TENM3: variants seen among roughly 807,000 people sequenced by gnomAD.
TENM3 encodes the protein teneurin-3.
In TENM3, 63 loss-of-function variants were observed where a neutral mutation model predicts 255.1. The observed-to-expected ratio is 0.25, with a 90% CI of 0.20 to 0.30. The LOEUF is 0.30. TENM3 is among the 10% of genes least tolerant of loss of function. The pLI is 1.00. For missense variants in TENM3, 2,929 were observed against 3,461.1 expected, an observed-to-expected ratio of 0.85 and a Z score of 3.86; for synonymous variants, 1,306 against 1,322.3, an observed-to-expected ratio of 0.99 and a Z score of 0.27.
chr4:181,793,201 G>A, the TENM3 span, among the ~76,000 whole-genome samples: 238 of 152,284 alleles, frequency 1.6e-3, 3 homozygotes, highest in African/African-American at 5.4e-3. Context: ...GCTGGCCGGC[G>A]ATCCAGCTGC....
At chr4:182,736,251 C>T (rs1471904229) in intron 16 of TENM3, among the ~76,000 whole-genome samples, 2 of 152,200 alleles carry the variant, frequency 1.3e-5, no homozygotes, top group Admixed American at 1.3e-4. Flanking sequence ...TAGGCTGTGA[C>T]CAGCCAGCTG....
At chr4:181,448,436 G>C in the TENM3 span, among the ~76,000 whole-genome samples, 2 of 151,978 alleles carry the variant, frequency 1.3e-5, no homozygotes, top group Non-Finnish European at 2.9e-5. Flanking sequence ...CTCCCAAAGT[G>C]CTGGGATTAC....
intron 1 of TENM3, among the ~76,000 whole-genome samples, chr4:182,248,068 T>A (rs1757768334): frequency 6.6e-6 from 1 of 152,228 alleles, no homozygotes; most frequent in African/African-American, 2.4e-5. Context: ...CTGAAATACA[T>A]CACTTATAAT....
intron 1 of TENM3, among the ~76,000 whole-genome samples, chr4:182,304,588 T>C (rs1762034988): frequency 6.6e-6 from 1 of 152,204 alleles, no homozygotes; most frequent in African/African-American, 2.4e-5. Flanking sequence ...CTATTGATGA[T>C]TGAAGACCTG....
At chr4:181,580,644 G>A in the TENM3 span, among the ~76,000 whole-genome samples, 1 of 152,248 alleles carries the variant, frequency 6.6e-6, no homozygotes, top group South Asian at 2.1e-4. Flanking sequence ...AGACCCCCCT[G>A]AGAGGAGAGA....
intron 3 of TENM3, among the ~76,000 whole-genome samples, chr4:182,426,912 CAT>C (rs1771265443): frequency 6.6e-6 from 1 of 152,108 alleles, no homozygotes; most frequent in South Asian, 2.1e-4. Context: ...AATTTCTAAA[CAT>C]GTTTCCAAAA....
the TENM3 span, among the ~76,000 whole-genome samples, chr4:181,531,239 AACAG>A: frequency 3.9e-5 from 6 of 152,182 alleles, no homozygotes; most frequent in African/African-American, 1.2e-4. Flanking sequence ...GAAGGGGGAA[AACAG>A]ACAGAAACTC....
intron 3 of TENM3, among the ~76,000 whole-genome samples, chr4:182,442,258 A>C (rs1772545537): frequency 6.6e-6 from 1 of 152,188 alleles, no homozygotes; most frequent in Non-Finnish European, 1.5e-5. Flanking sequence ...TGAAATTAAT[A>C]ATTATTATCT....
At chr4:182,748,802 G>A (rs762157755) in intron 19 of TENM3, among the ~76,000 whole-genome samples, 5 of 152,110 alleles carry the variant, frequency 3.3e-5, no homozygotes, top group Non-Finnish European at 7.4e-5. Flanking sequence ...CTAGGGCCAC[G>A]TAGACTCCCC....
At chr4:182,050,993 G>T in the TENM3 span, among the ~76,000 whole-genome samples, 1 of 152,068 alleles carries the variant, frequency 6.6e-6, no homozygotes, top group Non-Finnish European at 1.5e-5. Context: ...ATCTGCTCTT[G>T]GTGTGCTGAT....
intron 3 of TENM3, among the ~76,000 whole-genome samples, chr4:182,448,169 G>C (rs1287868254): frequency 6.6e-6 from 1 of 152,186 alleles, no homozygotes; most frequent in Non-Finnish European, 1.5e-5. Context: ...AACGTTAATG[G>C]GGGTCCGCGA....
At chr4:182,597,310 GAGGC>G (rs1330959778) in intron 3 of TENM3, among the ~76,000 whole-genome samples, 1 of 152,148 alleles carries the variant, frequency 6.6e-6, no homozygotes, top group Non-Finnish European at 1.5e-5. Context: ...TTGAGAGGCT[GAGGC>G]AGGAGGATCA....
At chr4:182,018,508 C>A in the TENM3 span, among the ~76,000 whole-genome samples, 1 of 152,186 alleles carries the variant, frequency 6.6e-6, no homozygotes, top group South Asian at 2.1e-4. Context: ...GCATTCTAAT[C>A]TCAAACTCTG....
chr4:181,617,706 T>C, the TENM3 span, among the ~76,000 whole-genome samples: 17 of 152,328 alleles, frequency 1.1e-4, no homozygotes, highest in East Asian at 1.9e-4. Flanking sequence ...ACTAGAAATA[T>C]GGAACACCTA....
At chr4:181,595,633 C>T in the TENM3 span, among the ~76,000 whole-genome samples, 5 of 152,002 alleles carry the variant, frequency 3.3e-5, no homozygotes, top group Non-Finnish European at 7.4e-5. Flanking sequence ...CTCATATGTG[C>T]ATTATAGTCT....
chr4:182,724,173 T>G (rs540910799), intron 13 of TENM3, among the ~76,000 whole-genome samples: 5 of 152,318 alleles, frequency 3.3e-5, no homozygotes, highest in African/African-American at 1.2e-4. Flanking sequence ...TATGTAGATT[T>G]TTATGATTAA....
the TENM3 span, among the ~76,000 whole-genome samples, chr4:181,811,561 G>C: frequency 6.6e-6 from 1 of 152,066 alleles, no homozygotes; most frequent in African/African-American, 2.4e-5. Flanking sequence ...GGTAATTTAT[G>C]AAGGAAAGAG....
chr4:182,019,263 A>G, the TENM3 span, among the ~76,000 whole-genome samples: 5 of 152,148 alleles, frequency 3.3e-5, no homozygotes, highest in Admixed American at 6.5e-5. Flanking sequence ...CCGAATGTGA[A>G]AACATCAAGC....
intron 1 of TENM3, among the ~76,000 whole-genome samples, chr4:182,160,147 C>T (rs1243613294): frequency 1.1e-4 from 16 of 149,682 alleles, no homozygotes; most frequent in Non-Finnish European, 2.2e-4. Context: ...GGACTACAGG[C>T]GCCCGCCACC....
Sources: allele counts gnomAD v4.1 joint callset (sites outside exome capture counted in the v4.1 genomes callset), GRCh38; gene constraint gnomAD v4.1.1; transcripts MANE v1.5; gene names NCBI Gene and HGNC (gene_info 2026-07-23, HGNC 2026-07-21).